PDIA6: variants seen among roughly 807,000 people sequenced by gnomAD.
PDIA6 encodes protein disulfide-isomerase A6.
A neutral mutation model predicts 58.4 loss-of-function variants in PDIA6; 29 were observed. The ratio of observed to expected loss-of-function variants is 0.50; its 90% CI spans 0.37 to 0.68. PDIA6 has a LOEUF of 0.68. Ranked by LOEUF, PDIA6 falls within the 30% of genes least tolerant of loss-of-function variation. The probability of loss-of-function intolerance (pLI) is 0.00; values close to 1 mark genes in which losing one functional copy is unlikely to be tolerated. For synonymous variants in PDIA6, 192 were observed against 202.6 expected, an observed-to-expected ratio of 0.95 and a Z score of 0.44; for missense variants, 480 against 551.0, an observed-to-expected ratio of 0.87 and a Z score of 1.29.
At chr2:10,786,104 C>T (rs1665728029) in intron 11 of PDIA6, among the ~76,000 whole-genome samples, 1 of 152,002 alleles carries the variant, frequency 6.6e-6, no homozygotes, top group Non-Finnish European at 1.5e-5. Context: ...GGGTGGATCA[C>T]TTGAGGTCAG....
chr2:10,827,500 T>A (rs1477550033), intron 1 of PDIA6, among the ~76,000 whole-genome samples: 3 of 152,210 alleles, frequency 2.0e-5, no homozygotes, highest in Non-Finnish European at 4.4e-5. Flanking sequence ...GTTTAGTGAT[T>A]GAAAATTTAA....
chr2:10,786,354 C>CAACT (rs1665756661), intron 11 of PDIA6, among the ~76,000 whole-genome samples: 2 of 152,094 alleles, frequency 1.3e-5, no homozygotes, highest in African/African-American at 4.8e-5. Context: ...CCATATTAAC[C>CAACT]AACTACAATG....
rs772349444 is a variant in PDIA6 at position 10,785,047 on chromosome 2, C to G, written c.1158-17G>C. 47 of 1,479,130 alleles carry G rather than the reference C, an allele frequency of 3.2e-5. No homozygotes were observed. In the Middle Eastern group the frequency reaches 5.1e-4, roughly 16 times the overall value. The allele number at this position is 1,479,130 out of a possible 1,614,324, so 91.6% of individuals were successfully genotyped here. A position where few individuals can be genotyped will look rare whatever the true frequency, so the allele number is the denominator to read the frequency against. ...GAGAGCTCCCTTAGGGAAAAATGAC[C>G]AAAACACACACACACATTTACAATG... On this transcript the variant is annotated splice_polypyrimidine_tract_variant and intron_variant, in intron 11 of 12. Transcript: ENST00000272227.
At chr2:10,790,501 C>T (rs1665983598) in intron 7 of PDIA6, among the ~76,000 whole-genome samples, 1 of 152,202 alleles carries the variant, frequency 6.6e-6, no homozygotes, top group African/African-American at 2.4e-5. Context: ...TGAAACCTCA[C>T]ATTAAGTATA....
At chr2:10,813,464 T>C (rs1257997975), upstream of PDIA6, among the ~76,000 whole-genome samples, 1 of 151,850 alleles carries the variant, frequency 6.6e-6, no homozygotes, top group East Asian at 1.9e-4. Flanking sequence ...GTGTGTGCTT[T>C]GTAAAATATG....
At chr2:10,808,649 G>A (rs1174601052) in intron 1 of PDIA6, among the ~76,000 whole-genome samples, 1 of 152,118 alleles carries the variant, frequency 6.6e-6, no homozygotes, top group Non-Finnish European at 1.5e-5. Context: ...TCCATTTCAA[G>A]AGGTGGGAAA....
chr2:10,829,141 T>C (rs375879291), intron 1 of PDIA6, among the ~76,000 whole-genome samples: 12 of 152,196 alleles, frequency 7.9e-5, no homozygotes, highest in Non-Finnish European at 1.6e-4. Flanking sequence ...AAGGGCGATA[T>C]CTGGCCTGAG....
chr2:10,827,840 T>C, intron 1 of PDIA6, among the ~76,000 whole-genome samples: 1 of 143,440 alleles, frequency 7.0e-6, no homozygotes. Flanking sequence ...AAAAAAATTT[T>C]TTTTTTCTTG....
Position 10,788,707 on chromosome 2 carries a change from T to G in PDIA6, c.988A>C (p.Lys330Gln). 1 of 1,611,442 alleles carries G rather than the reference T, an allele frequency of 6.2e-7. No individual in the cohort carries two copies. The highest frequency in any genetic ancestry group is 1.1e-5 in the South Asian group (1 of 91,014). ...LLKLADKYKK[K>Q]MWGWLWTEAG... ...AGCTCAGTAACTTACCCCCACATTT[T>G]CTTTTTGTATTTGTCTGCCAACTTC... Residue 330 changes from lysine to glutamine, a missense_variant, in exon 10 of 13, where the codon AAA becomes CAA. Transcript: ENST00000272227.
intron 1 of PDIA6, among the ~76,000 whole-genome samples, chr2:10,831,199 T>C (rs1460893253): frequency 6.6e-6 from 1 of 152,214 alleles, no homozygotes; most frequent in Admixed American, 6.5e-5. Flanking sequence ...TGATGAGCGC[T>C]GTGACCACTT....
At chr2:10,803,314 C>T (rs1466190967) in intron 1 of PDIA6, among the ~76,000 whole-genome samples, 2 of 152,184 alleles carry the variant, frequency 1.3e-5, no homozygotes, top group East Asian at 3.9e-4. Context: ...TGTGCCATCA[C>T]GCCCGGCTAA....
intron 2 of PDIA6, among the ~76,000 whole-genome samples, chr2:10,801,624 A>G (rs1666514643): frequency 6.6e-6 from 1 of 152,258 alleles, no homozygotes; most frequent in African/African-American, 2.4e-5. Context: ...TTAGATGGAC[A>G]GGACGCACAA....
intron 1 of PDIA6, among the ~76,000 whole-genome samples, chr2:10,808,376 T>C (rs999538735): frequency 1.3e-5 from 2 of 152,156 alleles, no homozygotes; most frequent in African/African-American, 4.8e-5. Context: ...GGAGTGAAAA[T>C]AACAGGCATG....
At chr2:10,809,593 G>A (rs1185946028) in intron 1 of PDIA6, among the ~76,000 whole-genome samples, 7 of 137,182 alleles carry the variant, frequency 5.1e-5, no homozygotes, top group African/African-American at 1.9e-4. Flanking sequence ...CTACTCCAGA[G>A]GCTGATGTGG....
chr2:10,816,350 T>C (rs1667192987), upstream of PDIA6, among the ~76,000 whole-genome samples: 1 of 151,262 alleles, frequency 6.6e-6, no homozygotes. Context: ...CCTCCCAAAG[T>C]GCTGGGATTA....
chr2:10,793,293 TCGGCTTCA>T (rs781573813), intron 4 of PDIA6, 91 bp from the exon 5 acceptor site: 2 of 810,158 alleles, frequency 2.5e-6, no homozygotes, highest in Non-Finnish European at 4.3e-6. Flanking sequence ...TACCTCACTG[TCGGCTTCA>T]CCAGGTGTGA....
chr2:10,837,516 A>G, intron 1 of PDIA6: 1 of 708,572 alleles, frequency 1.4e-6, no homozygotes, highest in Admixed American at 2.0e-5. Context: ...CTTATGCAGC[A>G]CACTTACCAC....
chr2:10,783,728 GAA>G lies in PDIA6; in HGVS notation c.*528_*529del, dbSNP rs1297511047. On this transcript the variant is annotated 3_prime_UTR_variant, in exon 13 of 13. Transcript: ENST00000272227. The stretch of plus-strand genomic sequence containing the variant: ...GTGGGCATAGGTGGCACCATCTAAA[GAA>G]AAGAGGTCTTGTTTTTTGTTTAAAA... 6.3e-6 allele frequency: 1 copy of G among 157,520 alleles called. No individual in the cohort carries two copies. 9.8% of individuals were successfully genotyped at this position (157,520 alleles called of 1,614,324 possible).
At chr2:10,834,732 C>CCTTCCTTCCTTCCT (rs1667790757), upstream of PDIA6, among the ~76,000 whole-genome samples, 3 of 36,450 alleles carry the variant, frequency 8.2e-5, no homozygotes, top group African/African-American at 2.9e-4. Context: ...CCTTCCTTCC[C>CCTTCCTTCCTTCCT]TCCTTCCTTC....
Sources: allele counts gnomAD v4.1 joint callset (sites outside exome capture counted in the v4.1 genomes callset), GRCh38; gene constraint gnomAD v4.1.1; transcripts MANE v1.5; gene names NCBI Gene and HGNC (gene_info 2026-07-23, HGNC 2026-07-21).